The following CCSER1 variants were observed in gnomAD, a reference collection of about 807,000 sequenced individuals.
The protein encoded by CCSER1 is coiled-coil serine rich protein 1.
In CCSER1, 41 loss-of-function variants were observed where a neutral mutation model predicts 82.0. The ratio of observed to expected loss-of-function variants is 0.50; its 90% CI spans 0.39 to 0.65. The LOEUF is 0.65. Among genes scored for constraint, CCSER1 ranks in the 30% least tolerant of loss-of-function variants. The pLI is 0.00. For synonymous variants in CCSER1, 414 were observed against 383.9 expected, an observed-to-expected ratio of 1.08 and a Z score of -0.92; for missense variants, 1,119 against 1,064.2, an observed-to-expected ratio of 1.05 and a Z score of -0.72.
chr4:91,072,723 C>A (rs913693464), intron 9 of CCSER1, among the ~76,000 whole-genome samples: 8 of 151,908 alleles, frequency 5.3e-5, no homozygotes, highest in African/African-American at 1.9e-4. Flanking sequence ...ATCTGTATAT[C>A]CTTAGGAAAG....
chr4:91,492,867 A>T (rs929311293), intron 10 of CCSER1, among the ~76,000 whole-genome samples: 5 of 152,008 alleles, frequency 3.3e-5, no homozygotes, highest in African/African-American at 1.2e-4. Context: ...AAAGTACATG[A>T]TTAGTTTAGG....
chr4:91,185,403 C>T (rs937492043), intron 10 of CCSER1, among the ~76,000 whole-genome samples: 2 of 152,242 alleles, frequency 1.3e-5, no homozygotes, highest in African/African-American at 4.8e-5. Flanking sequence ...ACTAGACCTT[C>T]CTAAAAGTAA....
intron 10 of CCSER1, among the ~76,000 whole-genome samples, chr4:91,534,004 T>C (rs1761163990): frequency 6.6e-6 from 1 of 152,070 alleles, no homozygotes; most frequent in Admixed American, 6.6e-5. Context: ...CTGCTTCATA[T>C]AAAGAATGCT....
chr4:90,742,381 G>C (rs545506161), intron 7 of CCSER1, among the ~76,000 whole-genome samples: 2 of 152,270 alleles, frequency 1.3e-5, no homozygotes, highest in African/African-American at 2.4e-5. Context: ...AATTCACCTT[G>C]AGATTTTTAC....
At chr4:90,516,433 G>A (rs1772280455) in intron 5 of CCSER1, among the ~76,000 whole-genome samples, 1 of 152,136 alleles carries the variant, frequency 6.6e-6, no homozygotes, top group Admixed American at 6.6e-5. Context: ...TACTACCCCA[G>A]GGCCTGAAGG....
intron 1 of CCSER1, among the ~76,000 whole-genome samples, chr4:90,226,330 T>C (rs1743153419): frequency 1.3e-5 from 2 of 152,234 alleles, no homozygotes; most frequent in African/African-American, 4.8e-5. Context: ...AAATACCCAG[T>C]GACTTACACA....
rs376987549 is a variant in CCSER1, at chr4:90,534,441, T to TTGTGTGTG, written c.1724+66128_1724+66135dup. On this transcript the variant is annotated intron_variant, in intron 5 of 10. Coordinates refer to ENST00000509176, the MANE Select transcript of CCSER1 (RefSeq NM_001145065.2). ...ACCGAGCCCAGGCTGTGCCAGCCTT[T>TTGTGTGTG]TGTGTGTGTGTGTGTGTGTGTGTGT... Among the ~76,000 whole-genome samples the TTGTGTGTG allele has an allele frequency of 9.0e-3, 1,229 of 136,430 alleles. 6 individuals are homozygous for TTGTGTGTG. The highest frequency in any genetic ancestry group is 0.027 in the Middle Eastern group (7 of 264). 89.5% of individuals were successfully genotyped at this position (136,430 alleles called of 152,430 possible).
intron 3 of CCSER1, among the ~76,000 whole-genome samples, chr4:90,378,390 T>G (rs1561128244): frequency 6.6e-6 from 1 of 152,172 alleles, no homozygotes; most frequent in African/African-American, 2.4e-5. Flanking sequence ...CTTAAGTCTT[T>G]AAGAGGGTAA....
intron 9 of CCSER1, among the ~76,000 whole-genome samples, chr4:90,964,702 G>A (rs1198888237): frequency 1.5e-5 from 2 of 133,968 alleles, no homozygotes; most frequent in Non-Finnish European, 3.1e-5. Flanking sequence ...TCCAGCCTGG[G>A]CGACAGAGCC....
chr4:91,168,353 C>G (rs573965605), intron 10 of CCSER1, among the ~76,000 whole-genome samples: 7 of 147,608 alleles, frequency 4.7e-5, no homozygotes, highest in Non-Finnish European at 1.0e-4. Context: ...TGAGGAGCGC[C>G]TCTGCCCAGC....
rs142952277 is a variant in CCSER1, at chr4:90,587,334, C to T, written c.1725-40691C>T. ...TAGGAAATTAATAAAAATGCCTGGCCGGATGCAGTGATCACGCCTGTAATT... is the reference window on the plus strand; with the variant it reads ...TAGGAAATTAATAAAAATGCCTGGCTGGATGCAGTGATCACGCCTGTAATT... On this transcript the variant is annotated intron_variant, in intron 5 of 10. Coordinates refer to ENST00000509176, the MANE Select transcript of CCSER1 (RefSeq NM_001145065.2). 3.2e-3 allele frequency among the ~76,000 whole-genome samples: 492 copies of T among 152,188 alleles called. 1 individual carries two copies. In the Middle Eastern group the frequency reaches 0.034, roughly 11 times the overall value.
intron 10 of CCSER1, among the ~76,000 whole-genome samples, chr4:91,214,500 C>T (rs1737086817): frequency 6.6e-6 from 1 of 152,186 alleles, no homozygotes; most frequent in Non-Finnish European, 1.5e-5. Flanking sequence ...CCGAATGCTA[C>T]TTAAAATTCT....
intron 8 of CCSER1, among the ~76,000 whole-genome samples, chr4:90,854,723 A>G (rs1764266271): frequency 6.7e-6 from 1 of 149,836 alleles, no homozygotes; most frequent in Non-Finnish European, 1.5e-5. Context: ...GAGTACTCAG[A>G]ACTTTTTTTT....
At chr4:90,265,624 A>C (rs757494613) in intron 1 of CCSER1, among the ~76,000 whole-genome samples, 2 of 152,084 alleles carry the variant, frequency 1.3e-5, no homozygotes, top group African/African-American at 4.8e-5. Flanking sequence ...CAATTTCCCA[A>C]TTATTACAAA....
At chr4:90,284,628 G>A (rs949150053) in intron 1 of CCSER1, among the ~76,000 whole-genome samples, 14 of 151,696 alleles carry the variant, frequency 9.2e-5, no homozygotes, top group African/African-American at 3.1e-4. Flanking sequence ...GGAGTAGCTG[G>A]GACCACAGGC....
intron 3 of CCSER1, among the ~76,000 whole-genome samples, chr4:90,343,088 C>G (rs917924513): frequency 6.6e-6 from 1 of 151,992 alleles, no homozygotes; most frequent in Non-Finnish European, 1.5e-5. Context: ...AGGTCAGCCT[C>G]TTTATCTGTA....
At chr4:91,057,507 G>C (rs1743559579) in intron 9 of CCSER1, among the ~76,000 whole-genome samples, 1 of 152,076 alleles carries the variant, frequency 6.6e-6, no homozygotes, top group Non-Finnish European at 1.5e-5. Context: ...ACGATAATTT[G>C]GAAGTTATAA....
chr4:90,937,316 G>T (rs760897548), intron 9 of CCSER1, among the ~76,000 whole-genome samples: 1 of 152,094 alleles, frequency 6.6e-6, no homozygotes, highest in Non-Finnish European at 1.5e-5. Context: ...ATACTACCAA[G>T]AACATTCAAC....
At chr4:90,975,937 C>A (rs1735571886) in intron 9 of CCSER1, among the ~76,000 whole-genome samples, 1 of 150,872 alleles carries the variant, frequency 6.6e-6, no homozygotes, top group Non-Finnish European at 1.5e-5. Context: ...GAAAAGAGAC[C>A]TTTACTGGGA....
Sources: gnomAD v4.1 joint callset for allele counts (sites outside exome capture counted in the v4.1 genomes callset) on GRCh38, gnomAD v4.1.1 for gene constraint, MANE v1.5 for transcripts, NCBI Gene and HGNC (gene_info 2026-07-23, HGNC 2026-07-21) for gene names.